Variants in ATAD2 observed in about 807,000 individuals in gnomAD.
ATAD2 encodes ATPase family AAA domain containing 2.
In ATAD2, 62 loss-of-function variants were observed where a neutral mutation model predicts 168.9. That is an observed-to-expected ratio of 0.37 (90% CI 0.30 to 0.45). The LOEUF (loss-of-function observed/expected upper bound fraction) is 0.45. Among genes scored for constraint, ATAD2 ranks in the 20% least tolerant of loss-of-function variants. The probability of loss-of-function intolerance (pLI) is 1.00; values close to 1 mark genes in which losing one functional copy is unlikely to be tolerated. For missense variants in ATAD2, 1,419 were observed against 1,667.8 expected, an observed-to-expected ratio of 0.85 and a Z score of 2.60; for synonymous variants, 613 against 571.6, an observed-to-expected ratio of 1.07 and a Z score of -1.03.
intron 13 of ATAD2, among the ~76,000 whole-genome samples, chr8:123,353,858 G>A (rs1828550742): frequency 2.0e-5 from 3 of 152,078 alleles, no homozygotes; most frequent in African/African-American, 7.2e-5. Context: ...TTCAGGTCAA[G>A]TGGGTGGCTC....
chr8:123,347,033 A>G, intron 16 of ATAD2, 59 bp downstream of exon 16: 1 of 1,471,554 alleles, frequency 6.8e-7, no homozygotes, highest in Non-Finnish European at 9.2e-7. Context: ...GGTATGTATG[A>G]AACATTTCAC....
At chr8:123,386,483 G>C (rs985914663) in intron 1 of ATAD2, among the ~76,000 whole-genome samples, 2 of 152,248 alleles carry the variant, frequency 1.3e-5, no homozygotes, top group East Asian at 1.9e-4. Context: ...ACAGAAAGTA[G>C]AACAGTGGTT....
chr8:123,348,909 A>G (rs1234148737), intron 14 of ATAD2, among the ~76,000 whole-genome samples: 2 of 152,184 alleles, frequency 1.3e-5, no homozygotes, highest in African/African-American at 4.8e-5. Context: ...AGCTCTTGAC[A>G]TATTTTCCTC....
At position 123,372,762 on chromosome 8, in the gene ATAD2, T is replaced by A. The variant is rs1248733287; in HGVS notation, c.321-76A>T. The A allele has an allele frequency of 8.1e-6, 10 of 1,241,758 alleles. No homozygotes were observed. In the Admixed American group the frequency reaches 2.1e-4, roughly 26 times the overall value. 76.9% of individuals were successfully genotyped at this position (1,241,758 alleles called of 1,614,324 possible). A position where few individuals can be genotyped will look rare whatever the true frequency, so the allele number is the denominator to read the frequency against. On this transcript the variant is annotated intron_variant, in intron 2 of 27. Transcript: ENST00000287394. ...TTTATTTATTTAGATGGGATTGCAC[T>A]CCATCGTCCAACAGGAGTGCAGTGG... is the stretch of plus-strand genomic sequence containing the variant.
intron 13 of ATAD2, among the ~76,000 whole-genome samples, chr8:123,351,131 G>A (rs1326575044): frequency 6.6e-6 from 1 of 152,112 alleles, no homozygotes; most frequent in African/African-American, 2.4e-5. Flanking sequence ...CCCACAGGAG[G>A]CACCTAATAT....
At position 123,389,192 on chromosome 8, in the gene ATAD2, G is replaced by A. The variant is rs187855949; in HGVS notation, c.171+6995C>T. Reference sequence around the variant, plus strand: ...GTGGTTTCACCGTGTTAGCCAGGATGGTCTCGATCTCCTGACCTCCTGATC... The same window carrying A: ...GTGGTTTCACCGTGTTAGCCAGGATAGTCTCGATCTCCTGACCTCCTGATC... On this transcript the variant is annotated intron_variant, in intron 1 of 27. Coordinates refer to ENST00000287394, the MANE Select transcript of ATAD2 (RefSeq NM_014109.4). Among the ~76,000 whole-genome samples the A allele has an allele frequency of 7.5e-4, 101 of 134,896 alleles. 1 individual carries two copies. Among genetic ancestry groups the A allele is most frequent in the Admixed American group, 3.1e-3 (41 of 13,176 alleles). 88.5% of individuals were successfully genotyped at this position (134,896 alleles called of 152,430 possible).
intron 15 of ATAD2, 31 bp downstream of exon 15, chr8:123,348,150 GTA>G: frequency 7.1e-7 from 1 of 1,412,104 alleles, no homozygotes; most frequent in South Asian, 1.3e-5. Context: ...AATAAATGTA[GTA>G]TTTATTTTAA....
intron 1 of ATAD2, among the ~76,000 whole-genome samples, chr8:123,395,624 G>A (rs979561977): frequency 2.0e-5 from 3 of 152,142 alleles, no homozygotes; most frequent in African/African-American, 7.2e-5. Context: ...GGAAGCGGGG[G>A]GCGTACATGA....
chr8:123,370,162 AC>A, intron 6 of ATAD2, 138 bp from the exon 7 acceptor site: 1 of 776,272 alleles, frequency 1.3e-6, no homozygotes, highest in Non-Finnish European at 2.1e-6. Flanking sequence ...ACAAAAAAAA[AC>A]CAAACTTATC....
At chr8:123,396,458 G>T (rs1264140650), upstream of ATAD2, 3 of 1,289,672 alleles carry the variant, frequency 2.3e-6, no homozygotes, top group East Asian at 5.5e-5. Context: ...GGCGCCACAA[G>T]CTCCGCGCCA....
chr8:123,396,410 G>A lies in ATAD2; in HGVS notation c.-53C>T, dbSNP rs1443113029. The A allele has an allele frequency of 6.8e-6, 10 of 1,471,928 alleles. No individual in the cohort carries two copies. Among genetic ancestry groups the A allele is most frequent in the East Asian group, 5.0e-5 (2 of 39,640 alleles). 91.2% of individuals were successfully genotyped at this position (1,471,928 alleles called of 1,614,324 possible). On this transcript the variant is annotated 5_prime_UTR_variant, in exon 1 of 28. Coordinates refer to ENST00000287394, the MANE Select transcript of ATAD2 (RefSeq NM_014109.4). Reference sequence around the variant, plus strand: ...GCGACCGGAGAGAGATCCAGCTCCAGGCGCTCGCAGCTCTGGCTCTTCCGC... The same window carrying A: ...GCGACCGGAGAGAGATCCAGCTCCAAGCGCTCGCAGCTCTGGCTCTTCCGC...
chr8:123,367,517 A>G (rs913857234), intron 8 of ATAD2, among the ~76,000 whole-genome samples: 4 of 152,168 alleles, frequency 2.6e-5, no homozygotes, highest in South Asian at 2.1e-4. Flanking sequence ...TTAGGTAACC[A>G]TAACAGTGCC....
At chr8:123,396,486 G>T (rs1462434616), upstream of ATAD2, 6 of 990,976 alleles carry the variant, frequency 6.1e-6, no homozygotes, top group Non-Finnish European at 8.6e-6. Context: ...CAGCGCGCGC[G>T]CCCAGAATCC....
chr8:123,321,987 C>CTTTTTTT (rs869048943), intron 27 of ATAD2, among the ~76,000 whole-genome samples: 1 of 136,486 alleles, frequency 7.3e-6, no homozygotes, highest in African/African-American at 2.8e-5. Context: ...GTACATAAGT[C>CTTTTTTT]TTTTTTTTTT....
chr8:123,337,957 A>G (rs55911846), intron 20 of ATAD2, 136 bp from the exon 21 acceptor site: 12,234 of 825,408 alleles, frequency 0.015, 137 homozygotes, highest in Non-Finnish European at 0.018. Flanking sequence ...TTGAAATACA[A>G]AAGTATTACC....
At chr8:123,389,907 A>C (rs964794438) in intron 1 of ATAD2, among the ~76,000 whole-genome samples, 9 of 146,580 alleles carry the variant, frequency 6.1e-5, no homozygotes, top group African/African-American at 2.0e-4. Context: ...CTTATCAAGT[A>C]CTATGCCTGG....
intron 1 of ATAD2, among the ~76,000 whole-genome samples, chr8:123,412,596 T>C (rs919314148): frequency 2.5e-4 from 34 of 136,262 alleles, no homozygotes; most frequent in Non-Finnish European, 4.1e-4. Context: ...GCCTGGCTAA[T>C]TAAAAAAAAT....
At chr8:123,367,808 A>G (rs1458871274) in intron 8 of ATAD2, among the ~76,000 whole-genome samples, 1 of 152,220 alleles carries the variant, frequency 6.6e-6, no homozygotes, top group Non-Finnish European at 1.5e-5. Context: ...CTACAATGAA[A>G]TGAAAAGACC....
chr8:123,383,118 T>A (rs968627200), intron 1 of ATAD2, among the ~76,000 whole-genome samples: 2 of 152,130 alleles, frequency 1.3e-5, no homozygotes, highest in African/African-American at 4.8e-5. Context: ...CACTGCATGT[T>A]CTCACTCATA....
Sources: allele counts gnomAD v4.1 joint callset (sites outside exome capture counted in the v4.1 genomes callset), GRCh38; gene constraint gnomAD v4.1.1; transcripts MANE v1.5; gene names NCBI Gene and HGNC (gene_info 2026-07-23, HGNC 2026-07-21).